DUSP16: variants seen among roughly 807,000 people sequenced by gnomAD.
DUSP16 encodes dual specificity protein phosphatase 16.
In DUSP16, 21 loss-of-function variants were observed where a neutral mutation model predicts 58.3. That is an observed-to-expected ratio of 0.36 (90% CI 0.26 to 0.52). The LOEUF is 0.52. DUSP16 is among the 20% of genes least tolerant of loss of function. The pLI, the probability that DUSP16 is intolerant of heterozygous loss-of-function variation, is 0.94. For missense variants in DUSP16, 726 were observed against 819.0 expected (o/e 0.89, Z 1.39); for synonymous variants, 320 against 323.8 (o/e 0.99, Z 0.12).
At chr12:12,553,632 T>C (rs1386829281) in intron 1 of DUSP16, among the ~76,000 whole-genome samples, 2 of 152,200 alleles carry the variant, frequency 1.3e-5, no homozygotes, top group African/African-American at 4.8e-5. Context: ...AGCCTTGACC[T>C]GCCAGGCTCA....
intron 1 of DUSP16, among the ~76,000 whole-genome samples, chr12:12,532,597 G>A (rs903950876): frequency 2.0e-5 from 3 of 152,122 alleles, no homozygotes; most frequent in East Asian, 3.8e-4. Flanking sequence ...ACTATTACCA[G>A]GTCCTACTGT....
Position 12,476,808 on chromosome 12 carries a change from A to C in DUSP16, c.*25T>G. Reference sequence around the variant, plus strand: ...TGTGAACAAGAAAAAAAAATTGTCTATAGAAGTCACAAGTGTCTTTCTTCT... The same window carrying C: ...TGTGAACAAGAAAAAAAAATTGTCTCTAGAAGTCACAAGTGTCTTTCTTCT... On this transcript the variant is annotated 3_prime_UTR_variant, in exon 7 of 7. Coordinates refer to ENST00000298573, the MANE Select transcript of DUSP16 (RefSeq NM_030640.3). The C allele has an allele frequency of 1.3e-6, 2 of 1,542,674 alleles. No homozygotes were observed. Among genetic ancestry groups the C allele is most frequent in the Non-Finnish European group, 1.7e-6 (2 of 1,152,972 alleles).
Position 12,477,906 on chromosome 12 carries a change from T to C in DUSP16, c.925A>G (p.Ser309Gly), listed in dbSNP as rs779911001. 1.1e-5 allele frequency: 18 copies of C among 1,614,080 alleles called. No homozygotes were observed. In the South Asian group the frequency reaches 1.6e-4, roughly 15 times the overall value. Residue 309 changes from serine (S) to glycine (G), a missense_variant, in exon 7 of 7, where the codon AGC (serine) becomes GGC (glycine). Ser to Gly is a moderately conservative substitution (Grantham distance 56). Coordinates refer to ENST00000298573, the MANE Select transcript of DUSP16 (RefSeq NM_030640.3). The surrounding 1 kb of genome is among the most constrained non-coding windows in gnomAD (Gnocchi z 4.1). Reference sequence around the variant, plus strand: ...TCCAGGTGCAGCAGCTTGAGTTTGCTCTTTGGCCCTGATGCTCCAGTCTGG... The same window carrying C: ...TCCAGGTGCAGCAGCTTGAGTTTGCCCTTTGGCCCTGATGCTCCAGTCTGG... ...KNQTGASGPKSKLKLLHLEKP... is the reference protein window; with the variant it reads ...KNQTGASGPKGKLKLLHLEKP...
chr12:12,475,230 G>GCCCCAC lies in DUSP16; in HGVS notation c.*1597_*1602dup, dbSNP rs1482118199. The stretch of plus-strand genomic sequence containing the variant: ...AAAGAACAATGACAACACCCGCCCA[G>GCCCCAC]CCCCACCCCCAAAAAGCTGCTGTTG... On this transcript the variant is annotated 3_prime_UTR_variant, in exon 7 of 7. Transcript: ENST00000298573. 3 of 142,478 alleles carry GCCCCAC rather than the reference G, an allele frequency of 2.1e-5. No individual in the cohort carries two copies. Among genetic ancestry groups the GCCCCAC allele is most frequent in the Non-Finnish European group, 4.6e-5 (3 of 65,024 alleles). 8.8% of individuals were successfully genotyped at this position (142,478 alleles called of 1,614,324 possible).
intron 1 of DUSP16, among the ~76,000 whole-genome samples, chr12:12,529,338 G>T (rs1467547662): frequency 6.6e-6 from 1 of 152,114 alleles, no homozygotes; most frequent in African/African-American, 2.4e-5. Context: ...TCAAACTCCT[G>T]GGCTCAAACA....
At chr12:12,518,851 G>C (rs1196432263) in intron 3 of DUSP16, among the ~76,000 whole-genome samples, 1 of 152,182 alleles carries the variant, frequency 6.6e-6, no homozygotes. Context: ...TGAAAAAGAT[G>C]AACTATCCTT....
intron 1 of DUSP16, among the ~76,000 whole-genome samples, chr12:12,553,492 A>G (rs1944761793): frequency 6.6e-6 from 1 of 152,224 alleles, no homozygotes; most frequent in Non-Finnish European, 1.5e-5. Context: ...TACAAGGTAC[A>G]CTATTATTAC....
Position 12,551,554 on chromosome 12 carries a change from C to T in DUSP16, c.-366+10563G>A, listed in dbSNP as rs189785225. 6.6e-5 allele frequency among the ~76,000 whole-genome samples: 10 copies of T among 151,344 alleles called. No individual in the cohort carries two copies. The East Asian group carries it at 1.7e-3, about 26-fold the overall frequency. ...TGGTATTTTGGAAAACTTGAATTCGCCACCAAGATCTTGACCACTTCCCAA... is the reference window on the plus strand; with the variant it reads ...TGGTATTTTGGAAAACTTGAATTCGTCACCAAGATCTTGACCACTTCCCAA... On this transcript the variant is annotated intron_variant, in intron 1 of 6. Coordinates refer to ENST00000298573, the MANE Select transcript of DUSP16 (RefSeq NM_030640.3).
chr12:12,561,089 C>T (rs1173193408), intron 1 of DUSP16: 1 of 152,140 alleles, frequency 6.6e-6, no homozygotes, highest in Non-Finnish European at 1.5e-5. Flanking sequence ...GAAGTGGGAG[C>T]CAGAGCGCTG....
In DUSP16 at chr12:12,554,333, C is replaced by T. The variant is rs116431578; in HGVS notation, c.-366+7784G>A. On this transcript the variant is annotated intron_variant, in intron 1 of 6. Coordinates refer to ENST00000298573, the MANE Select transcript of DUSP16 (RefSeq NM_030640.3). ...CCATGCTACCTAAGCTGGTCTCAAA[C>T]TCCTGACCTCAAGCGATCCTCCCAC... Among the ~76,000 whole-genome samples the T allele has an allele frequency of 9.1e-3, 1,385 of 151,840 alleles. 26 individuals carry two copies. The highest frequency in any genetic ancestry group is 0.031 in the African/African-American group (1,303 of 41,390).
intron 4 of DUSP16, among the ~76,000 whole-genome samples, chr12:12,496,805 T>C (rs1592174600): frequency 6.6e-6 from 1 of 152,212 alleles, no homozygotes; most frequent in Admixed American, 6.5e-5. Context: ...ATTTCAGCTC[T>C]AGTACAAAGA....
At chr12:12,480,641 T>C (rs1338567490) in intron 5 of DUSP16, among the ~76,000 whole-genome samples, 1 of 152,212 alleles carries the variant, frequency 6.6e-6, no homozygotes, top group Non-Finnish European at 1.5e-5. Flanking sequence ...TCCCCTAAGA[T>C]ATGGGTAATA....
At chr12:12,495,810 A>G (rs1943819963) in intron 4 of DUSP16, among the ~76,000 whole-genome samples, 2 of 152,226 alleles carry the variant, frequency 1.3e-5, no homozygotes, top group Non-Finnish European at 1.5e-5. Context: ...ACTGGCCTCA[A>G]GTCCTACTTA....
At chr12:12,518,225 A>T (rs1944182113) in intron 3 of DUSP16, among the ~76,000 whole-genome samples, 1 of 152,142 alleles carries the variant, frequency 6.6e-6, no homozygotes, top group South Asian at 2.1e-4. Flanking sequence ...TTCTTTAAGA[A>T]AGACTCTGGC....
Position 12,535,718 on chromosome 12 carries a change from T to G in DUSP16, c.-365-14255A>C, listed in dbSNP as rs1156654092. On this transcript the variant is annotated intron_variant, in intron 1 of 6. Coordinates refer to ENST00000298573, the MANE Select transcript of DUSP16 (RefSeq NM_030640.3). Reference sequence around the variant, plus strand: ...TTTGAACAAATATGAAAAGATAACATGCCGGTCAGATGTCCAGCAAGCCAA... The same window carrying G: ...TTTGAACAAATATGAAAAGATAACAGGCCGGTCAGATGTCCAGCAAGCCAA... 2.6e-5 allele frequency among the ~76,000 whole-genome samples: 4 copies of G among 152,212 alleles called. No homozygotes were observed. The South Asian group carries it at 8.3e-4, about 32-fold the overall frequency.
rs1287902985 is a variant in DUSP16, at chr12:12,477,041, A to G, written c.1790T>C (p.Val597Ala). The G allele has an allele frequency of 6.2e-7, 1 of 1,614,234 alleles. No individual in the cohort carries two copies. Among genetic ancestry groups the G allele is most frequent in the East Asian group, 2.2e-5 (1 of 44,894 alleles). Reference protein sequence around the residue: ...LPTCGDQVYSVRRRQKPSDRA... With the variant: ...LPTCGDQVYSARRRQKPSDRA... ...GTCACTTGGCTTCTGCCGCCTGCGC[A>G]CAGAATAGACTTGGTCTCCGCAAGT... The change falls in exon 7 of 7, where the codon GTG (valine) becomes GCG (alanine). Residue 597 changes from valine (V) to alanine (A), a missense_variant. Physicochemically the swap from Val to Ala is moderately conservative, Grantham distance 64 (BLOSUM62 0). Transcript: ENST00000298573. The surrounding 1 kb of genome is among the most constrained non-coding windows in gnomAD (Gnocchi z 4.1).
chr12:12,557,000 T>G (rs1004188508), intron 1 of DUSP16, among the ~76,000 whole-genome samples: 1 of 152,210 alleles, frequency 6.6e-6, no homozygotes. Flanking sequence ...ATGGTGATTA[T>G]TGTTCCTAAC....
At chr12:12,501,518 G>GA (rs1446945963) in intron 3 of DUSP16, among the ~76,000 whole-genome samples, 2 of 152,066 alleles carry the variant, frequency 1.3e-5, no homozygotes, top group African/African-American at 2.4e-5. Flanking sequence ...TCCGGGAAAA[G>GA]AAAAAATGAG....
intron 3 of DUSP16, chr12:12,505,954 T>C (rs1943989210): frequency 6.6e-6 from 1 of 152,214 alleles, no homozygotes; most frequent in East Asian, 1.9e-4. Flanking sequence ...TGGCTTGAAA[T>C]GTCCCAGACT....
Sources: gnomAD v4.1 joint callset for allele counts (sites outside exome capture counted in the v4.1 genomes callset) on GRCh38, gnomAD v4.1.1 for gene constraint, Gnocchi (gnomAD v3.1) non-coding constraint, MANE v1.5 for transcripts, NCBI Gene and HGNC (gene_info 2026-07-23, HGNC 2026-07-21) for gene names.